The following FHIT variants were observed in gnomAD, a reference collection of about 807,000 sequenced individuals.
The protein encoded by FHIT is bis(5'-adenosyl)-triphosphatase.
A neutral mutation model predicts 17.9 loss-of-function variants in FHIT; 19 were observed. The ratio of observed to expected loss-of-function variants is 1.06; its 90% CI spans 0.74 to 1.56. The LOEUF (loss-of-function observed/expected upper bound fraction) is 1.56, where lower values mean the gene tolerates loss of function less well. Among genes scored for constraint, FHIT ranks in the 40% most tolerant of loss-of-function variants. The pLI, the probability that FHIT is intolerant of heterozygous loss-of-function variation, is 0.00. For missense variants in FHIT, 248 were observed against 189.2 expected, an observed-to-expected ratio of 1.31 and a Z score of -1.82; for synonymous variants, 81 against 69.7, an observed-to-expected ratio of 1.16 and a Z score of -0.81.
chr3:60,617,986 T>G (rs1465963296), intron 4 of FHIT: 2 of 267,630 alleles, frequency 7.5e-6, no homozygotes, highest in African/African-American at 4.6e-5. Flanking sequence ...ATCAAAGAAT[T>G]AGTAAATGCT....
intron 3 of FHIT, among the ~76,000 whole-genome samples, chr3:60,928,691 C>A (rs1553770748): frequency 1.3e-5 from 2 of 151,726 alleles, no homozygotes; most frequent in African/African-American, 4.8e-5. Flanking sequence ...CTGAATAGAC[C>A]AATAACAGGC....
intron 3 of FHIT, among the ~76,000 whole-genome samples, chr3:60,827,144 T>C (rs1553741286): frequency 6.6e-6 from 1 of 152,216 alleles, no homozygotes; most frequent in Non-Finnish European, 1.5e-5. Context: ...CTTCTCTTCC[T>C]GGAGAGAGAG....
intron 5 of FHIT, among the ~76,000 whole-genome samples, chr3:60,152,444 G>A (rs1700508084): frequency 6.6e-6 from 1 of 152,214 alleles, no homozygotes; most frequent in Non-Finnish European, 1.5e-5. Flanking sequence ...AGGGAAAGCA[G>A]GCCGCAGCTA....
At chr3:60,217,768 T>G (rs556267442) in intron 5 of FHIT, among the ~76,000 whole-genome samples, 1 of 152,288 alleles carries the variant, frequency 6.6e-6, no homozygotes, top group South Asian at 2.1e-4. Context: ...GCTTTAGCAC[T>G]TTTCTCTTTG....
At chr3:59,938,714 G>A (rs548812577) in intron 7 of FHIT, among the ~76,000 whole-genome samples, 8 of 152,100 alleles carry the variant, frequency 5.3e-5, no homozygotes, top group Non-Finnish European at 8.8e-5. Flanking sequence ...AAAAACCAAC[G>A]AAAAAGCACA....
chr3:60,119,153 A>C (rs1326743143), intron 5 of FHIT, among the ~76,000 whole-genome samples: 1 of 151,926 alleles, frequency 6.6e-6, no homozygotes, highest in Non-Finnish European at 1.5e-5. Flanking sequence ...AGCTCACTGC[A>C]ATCTCTCCCT....
chr3:60,947,036 AAAGGTG>A (rs1372837882), intron 3 of FHIT, among the ~76,000 whole-genome samples: 1 of 152,196 alleles, frequency 6.6e-6, no homozygotes, highest in Admixed American at 6.5e-5. Context: ...CAGAACAGTA[AAAGGTG>A]AAGGAAGCAT....
At chr3:59,787,808 A>C (rs2106912460) in intron 8 of FHIT, among the ~76,000 whole-genome samples, 1 of 152,300 alleles carries the variant, frequency 6.6e-6, no homozygotes, top group Non-Finnish European at 1.5e-5. Context: ...TGCCAAGGTC[A>C]CTCGGTTCAG....
intron 3 of FHIT, among the ~76,000 whole-genome samples, chr3:61,023,881 A>T (rs2032592438): frequency 6.6e-6 from 1 of 152,184 alleles, no homozygotes; most frequent in Non-Finnish European, 1.5e-5. Flanking sequence ...CATAAGACCT[A>T]AAACCATAAA....
At chr3:60,142,793 G>A (rs1436671366) in intron 5 of FHIT, among the ~76,000 whole-genome samples, 4 of 151,238 alleles carry the variant, frequency 2.6e-5, no homozygotes, top group Non-Finnish European at 5.9e-5. Context: ...CAAGTCACTA[G>A]GATCACAGGC....
intron 8 of FHIT, among the ~76,000 whole-genome samples, chr3:59,761,710 G>A (rs1263621383): frequency 6.6e-6 from 1 of 151,748 alleles, no homozygotes; most frequent in African/African-American, 2.4e-5. Flanking sequence ...GGGTACAAGT[G>A]ATTCTCCTGC....
chr3:59,762,750 A>G (rs1010482934), intron 8 of FHIT, among the ~76,000 whole-genome samples: 1 of 152,206 alleles, frequency 6.6e-6, no homozygotes, highest in Non-Finnish European at 1.5e-5. Context: ...GGAAAATTGC[A>G]TCTCAGGGCA....
intron 7 of FHIT, among the ~76,000 whole-genome samples, chr3:59,970,811 CA>C (rs1338046523): frequency 1.3e-5 from 2 of 148,520 alleles, no homozygotes; most frequent in African/African-American, 5.0e-5. Context: ...GCTTGGGATG[CA>C]AAAACCTGCA....
chr3:60,347,388 T>C (rs1710834197), intron 5 of FHIT, among the ~76,000 whole-genome samples: 1 of 152,042 alleles, frequency 6.6e-6, no homozygotes, highest in Admixed American at 6.5e-5. Context: ...ATAAATGAGA[T>C]GGAACCAACA....
At chr3:59,819,787 G>A (rs1212639067) in intron 8 of FHIT, among the ~76,000 whole-genome samples, 1 of 152,108 alleles carries the variant, frequency 6.6e-6, no homozygotes, top group Admixed American at 6.5e-5. Context: ...ATTCATGTTG[G>A]AACTTAAGAC....
At chr3:60,832,617 C>A (rs573414610) in intron 3 of FHIT, among the ~76,000 whole-genome samples, 1 of 151,362 alleles carries the variant, frequency 6.6e-6, no homozygotes, top group Non-Finnish European at 1.5e-5. Context: ...TACGTGGTCA[C>A]AACTATTTTT....
chr3:60,937,730 A>G (rs2107398070), intron 3 of FHIT, among the ~76,000 whole-genome samples: 1 of 151,784 alleles, frequency 6.6e-6, no homozygotes, highest in South Asian at 2.1e-4. Context: ...TGCCCAGCTA[A>G]TTTTTGTATT....
chr3:60,345,224 C>G (rs912595299), intron 5 of FHIT, among the ~76,000 whole-genome samples: 1 of 152,114 alleles, frequency 6.6e-6, no homozygotes, highest in Admixed American at 6.5e-5. Context: ...CAAGTATTCC[C>G]CTGGATCTTA....
Position 60,563,773 on chromosome 3 carries a change from A to G in FHIT, c.-17-26794T>C, listed in dbSNP as rs540861701. Reference sequence around the variant, plus strand: ...TCTGAGAGAGGTGAGGAAGCTACAGAAAACAAGTCTGAAGCTAGCAGAGAT... The same window carrying G: ...TCTGAGAGAGGTGAGGAAGCTACAGGAAACAAGTCTGAAGCTAGCAGAGAT... On this transcript the variant is annotated intron_variant, in intron 4 of 9. Transcript: ENST00000492590. Among the ~76,000 whole-genome samples the G allele has an allele frequency of 1.5e-4, 23 of 152,324 alleles. 1 individual carries two copies. The East Asian group carries it at 4.4e-3, about 29-fold the overall frequency.
Sources: gnomAD v4.1 joint callset for allele counts (sites outside exome capture counted in the v4.1 genomes callset) on GRCh38, gnomAD v4.1.1 for gene constraint, MANE v1.5 for transcripts, NCBI Gene and HGNC (gene_info 2026-07-23, HGNC 2026-07-21) for gene names.